The following RNF144A variants were observed in gnomAD, a reference collection of about 807,000 sequenced individuals.
RNF144A encodes the protein E3 ubiquitin-protein ligase RNF144A.
RNF144A carries 11 observed loss-of-function variants against 38.7 expected under a neutral mutation model. That is an observed-to-expected ratio of 0.28 (90% CI 0.18 to 0.47). RNF144A has a LOEUF of 0.47. RNF144A is among the 20% of genes least tolerant of loss of function. RNF144A has a pLI of 0.99. For missense variants in RNF144A, 316 were observed against 377.2 expected (o/e 0.84, Z 1.34); for synonymous variants, 149 against 143.9 (o/e 1.04, Z -0.25).
downstream of RNF144A, among the ~76,000 whole-genome samples, chr2:7,071,271 T>C (rs1278831768): frequency 6.6e-6 from 1 of 152,120 alleles, no homozygotes; most frequent in Admixed American, 6.6e-5. Flanking sequence ...CCTGGGAAAC[T>C]GACACAGAGC....
intron 2 of RNF144A, among the ~76,000 whole-genome samples, chr2:6,952,087 G>A (rs554561380): frequency 6.6e-6 from 1 of 152,022 alleles, no homozygotes. Context: ...CTGATTTGTC[G>A]ACTTTTATTT....
At chr2:6,950,669 T>G (rs1389221966) in intron 2 of RNF144A, among the ~76,000 whole-genome samples, 2 of 152,238 alleles carry the variant, frequency 1.3e-5, no homozygotes, top group African/African-American at 4.8e-5. Context: ...CAGCAGTGAA[T>G]AAGAGTTTCC....
chr2:7,064,215 A>G (rs1487733046), intron 6 of RNF144A, among the ~76,000 whole-genome samples: 1 of 152,194 alleles, frequency 6.6e-6, no homozygotes, highest in Non-Finnish European at 1.5e-5. Context: ...TTTCCTGTGC[A>G]TGAACTTTTG....
Position 6,943,091 on chromosome 2 carries a change from C to T in RNF144A, c.-12+1944C>T, listed in dbSNP as rs577246469. 1.4e-4 allele frequency among the ~76,000 whole-genome samples: 22 copies of T among 152,296 alleles called. No individual in the cohort carries two copies. The South Asian group carries it at 2.5e-3, about 17-fold the overall frequency. Reference sequence around the variant, plus strand: ...GTGGGTGGTCCTATCCAGATCTGATCGTTTAAGAGGGCGGTATGTGCTGGA... The same window carrying T: ...GTGGGTGGTCCTATCCAGATCTGATTGTTTAAGAGGGCGGTATGTGCTGGA... On this transcript the variant is annotated intron_variant, in intron 2 of 8. Transcript: ENST00000320892. This position sits in a 1 kb window ranked among gnomAD's most constrained non-coding sequence, Gnocchi z 4.3.
At chr2:7,074,099 C>G in the RNF144A span, among the ~76,000 whole-genome samples, 2 of 152,244 alleles carry the variant, frequency 1.3e-5, no homozygotes, top group African/African-American at 4.8e-5. Flanking sequence ...GAGCCCATAT[C>G]AATGCCTTGC....
chr2:6,959,630 C>A (rs370984454), intron 2 of RNF144A, among the ~76,000 whole-genome samples: 1 of 152,044 alleles, frequency 6.6e-6, no homozygotes, highest in Non-Finnish European at 1.5e-5. Flanking sequence ...GAGGGGCACA[C>A]GAAAGAAAAC....
At chr2:7,054,335 C>T (rs1673643128) in intron 6 of RNF144A, among the ~76,000 whole-genome samples, 1 of 152,250 alleles carries the variant, frequency 6.6e-6, no homozygotes, top group Non-Finnish European at 1.5e-5. Context: ...CACACACATA[C>T]ATATACATAC....
At chr2:6,972,122 C>T (rs1668033998) in intron 2 of RNF144A, among the ~76,000 whole-genome samples, 1 of 152,238 alleles carries the variant, frequency 6.6e-6, no homozygotes, top group East Asian at 1.9e-4. Context: ...CTAAACCCAC[C>T]CATTTCCCTT....
rs753886056 is a variant in RNF144A at position 6,958,490 on chromosome 2, A to G, written c.-12+17343A>G. On this transcript the variant is annotated intron_variant, in intron 2 of 8. Transcript: ENST00000320892. The surrounding 1 kb of genome is among the most constrained non-coding windows in gnomAD (Gnocchi z 4.5). ...GTGCTCTCAGCATAGACCTTGAGCA[A>G]TAACCCATGTGGCCCACTTTTTCGT... Among the ~76,000 whole-genome samples, 1 of 152,136 alleles carries G rather than the reference A, an allele frequency of 6.6e-6. No individual in the cohort carries two copies. The highest frequency in any genetic ancestry group is 2.4e-5 in the African/African-American group (1 of 41,424).
chr2:7,044,850 G>A (rs1673236524), downstream of RNF144A, among the ~76,000 whole-genome samples: 1 of 152,244 alleles, frequency 6.6e-6, no homozygotes, highest in Non-Finnish European at 1.5e-5. Flanking sequence ...CATTAAGGGA[G>A]TGGATTTTGT....
In RNF144A at chr2:6,967,752, G is replaced by A. The variant is rs569950613; in HGVS notation, c.-12+26605G>A. ...CCTACTAAATAAATCACTTGCATAG[G>A]AATCATTGTCTCAGGCTCTGCTCTT... On this transcript the variant is annotated intron_variant, in intron 2 of 8. Coordinates refer to ENST00000320892, the MANE Select transcript of RNF144A (RefSeq NM_014746.6). 2.6e-5 allele frequency among the ~76,000 whole-genome samples: 4 copies of A among 152,196 alleles called. No homozygotes were observed. The South Asian group carries it at 8.3e-4, about 32-fold the overall frequency.
the RNF144A span, among the ~76,000 whole-genome samples, chr2:7,076,158 G>T: frequency 2.0e-5 from 3 of 152,288 alleles, no homozygotes; most frequent in Middle Eastern, 3.4e-3. Context: ...TTTCCCTAGG[G>T]CTTGCTGAGG....
chr2:7,043,514 G>GT lies in RNF144A; in HGVS notation c.*3755dup. On this transcript the variant is annotated 3_prime_UTR_variant, in exon 9 of 9. Coordinates refer to ENST00000320892, the MANE Select transcript of RNF144A (RefSeq NM_014746.6). ...CATCAAGGGAAAACATTTTGCATGT[G>GT]TAAAGCTTCATGAAGTTCTCTTTAA... is the stretch of plus-strand genomic sequence containing the variant. 3.0e-6 allele frequency: 3 copies of GT among 985,592 alleles called. No homozygotes were observed. The highest frequency in any genetic ancestry group is 3.6e-6 in the Non-Finnish European group (3 of 829,738). The allele number at this position is 985,592 out of a possible 1,614,324, so 61.1% of individuals were successfully genotyped here. A position where few individuals can be genotyped will look rare whatever the true frequency, so the allele number is the denominator to read the frequency against.
chr2:6,928,386 C>T (rs1232538618), intron 1 of RNF144A, among the ~76,000 whole-genome samples: 1 of 152,216 alleles, frequency 6.6e-6, no homozygotes, highest in Non-Finnish European at 1.5e-5. Flanking sequence ...CATTGGCATT[C>T]TCCTGGCCTT....
intron 6 of RNF144A, among the ~76,000 whole-genome samples, chr2:7,051,671 C>T (rs558304149): frequency 6.6e-6 from 1 of 152,300 alleles, no homozygotes; most frequent in East Asian, 1.9e-4. Context: ...GGTGGATGAC[C>T]TGAGATCAGG....
chr2:6,940,650 C>G (rs1163986182), intron 1 of RNF144A, among the ~76,000 whole-genome samples: 1 of 152,118 alleles, frequency 6.6e-6, no homozygotes, highest in Non-Finnish European at 1.5e-5. Flanking sequence ...AGGAGACTCA[C>G]TGGGCAAAGC....
At chr2:6,988,946 C>A (rs1669158777) in intron 2 of RNF144A, among the ~76,000 whole-genome samples, 1 of 152,050 alleles carries the variant, frequency 6.6e-6, no homozygotes, top group South Asian at 2.1e-4. Context: ...TCAGCTACAG[C>A]CACTGGGAGC....
intron 3 of RNF144A, among the ~76,000 whole-genome samples, chr2:6,998,983 C>T (rs984481362): frequency 1.3e-5 from 2 of 152,196 alleles, no homozygotes; most frequent in African/African-American, 4.8e-5. Flanking sequence ...TGAAATAGTT[C>T]ATTCTCCCTG....
chr2:7,052,779 TG>T (rs1673580485), intron 6 of RNF144A, among the ~76,000 whole-genome samples: 1 of 152,036 alleles, frequency 6.6e-6, no homozygotes, highest in Admixed American at 6.6e-5. Flanking sequence ...TCCTGTTCTC[TG>T]GAAATGCTCA....
Sources: gnomAD v4.1 joint callset for allele counts (sites outside exome capture counted in the v4.1 genomes callset) on GRCh38, gnomAD v4.1.1 for gene constraint, Gnocchi (gnomAD v3.1) non-coding constraint, MANE v1.5 for transcripts, NCBI Gene and HGNC (gene_info 2026-07-23, HGNC 2026-07-21) for gene names.